LHFPL6: variants seen among roughly 807,000 people sequenced by gnomAD.
LHFPL6 encodes LHFPL tetraspan subfamily member 6 protein.
In LHFPL6, 9 loss-of-function variants were observed where a neutral mutation model predicts 20.6. The ratio of observed to expected loss-of-function variants is 0.44; its 90% CI spans 0.26 to 0.76. The LOEUF is 0.76. LHFPL6 is among the 30% of genes least tolerant of loss of function. The pLI, the probability that LHFPL6 is intolerant of heterozygous loss-of-function variation, is 0.20. For synonymous variants in LHFPL6, 105 were observed against 98.7 expected, an observed-to-expected ratio of 1.06 and a Z score of -0.38; for missense variants, 218 against 253.5, an observed-to-expected ratio of 0.86 and a Z score of 0.95.
At chr13:39,399,722 T>A (rs1187103793) in intron 2 of LHFPL6, among the ~76,000 whole-genome samples, 1 of 152,230 alleles carries the variant, frequency 6.6e-6, no homozygotes, top group East Asian at 1.9e-4. Context: ...AGATAAATTC[T>A]GGCATCATCG....
In LHFPL6 at chr13:39,381,777, G is replaced by A. The variant is rs542786791; in HGVS notation, c.386-3251C>T. On this transcript the variant is annotated intron_variant, in intron 2 of 3. Coordinates refer to ENST00000379589, the MANE Select transcript of LHFPL6 (RefSeq NM_005780.3). ...TCAGGCAGCCTTCAGAATCATGGCA[G>A]ATTCAGAGAGACTCCCGGGATACCT... Among the ~76,000 whole-genome samples, 5 of 149,322 alleles carry A rather than the reference G, an allele frequency of 3.3e-5. 1 individual carries two copies. In the Admixed American group the frequency reaches 3.4e-4, roughly 10 times the overall value.
chr13:39,349,958 G>A (rs1003465117), intron 3 of LHFPL6, among the ~76,000 whole-genome samples: 4 of 152,156 alleles, frequency 2.6e-5, no homozygotes, highest in Admixed American at 1.3e-4. Flanking sequence ...TCTAGAGTTC[G>A]GAGCTTGAAG....
rs1284407359 is a variant in LHFPL6 at position 39,404,467 on chromosome 13, T to C, written c.386-25941A>G. Among the ~76,000 whole-genome samples, 7 of 152,276 alleles carry C rather than the reference T, an allele frequency of 4.6e-5. No individual in the cohort carries two copies. In the East Asian group the frequency reaches 7.7e-4, roughly 17 times the overall value. ...ACTGGCTCTCAAACTCTGCTACATA[T>C]TAGAATCACCCAGACAGCTTTCAAA... On this transcript the variant is annotated intron_variant, in intron 2 of 3. Coordinates refer to ENST00000379589, the MANE Select transcript of LHFPL6 (RefSeq NM_005780.3).
intron 2 of LHFPL6, among the ~76,000 whole-genome samples, chr13:39,473,142 C>T (rs1375646498): frequency 6.6e-6 from 1 of 151,740 alleles, no homozygotes; most frequent in Non-Finnish European, 1.5e-5. Context: ...GGTGGAGATG[C>T]AGAGTGGGAA....
intron 2 of LHFPL6, among the ~76,000 whole-genome samples, chr13:39,599,626 T>C (rs888722621): frequency 2.0e-5 from 3 of 152,182 alleles, no homozygotes; most frequent in Admixed American, 6.5e-5. Context: ...GAATGGACAA[T>C]TCTATCTCAC....
intron 3 of LHFPL6, among the ~76,000 whole-genome samples, chr13:39,350,994 G>A (rs181951045): frequency 3.9e-5 from 6 of 152,210 alleles, no homozygotes; most frequent in Admixed American, 6.5e-5. Flanking sequence ...TCCAGTGATC[G>A]TTTCATCTTT....
chr13:39,358,748 C>T (rs1869793457), intron 3 of LHFPL6, among the ~76,000 whole-genome samples: 1 of 152,186 alleles, frequency 6.6e-6, no homozygotes, highest in South Asian at 2.1e-4. Flanking sequence ...ACAGAAACTT[C>T]TCACAAGAAG....
chr13:39,462,942 A>G (rs1033243939), intron 2 of LHFPL6, among the ~76,000 whole-genome samples: 1 of 152,172 alleles, frequency 6.6e-6, no homozygotes. Flanking sequence ...GTAATCATAC[A>G]AACTCATGCT....
intron 2 of LHFPL6, among the ~76,000 whole-genome samples, chr13:39,524,344 GAAA>G (rs11374987): frequency 3.4e-5 from 5 of 145,672 alleles, no homozygotes; most frequent in African/African-American, 1.3e-4. Context: ...GTAAGGCCTA[GAAA>G]AAAAAAAAAG....
intron 2 of LHFPL6, among the ~76,000 whole-genome samples, chr13:39,446,729 C>A (rs1194147799): frequency 6.6e-6 from 1 of 152,130 alleles, no homozygotes; most frequent in African/African-American, 2.4e-5. Context: ...CCGGTATTTT[C>A]ATTTAGGTCC....
chr13:39,503,487 T>C (rs758140065), intron 2 of LHFPL6, among the ~76,000 whole-genome samples: 9 of 152,186 alleles, frequency 5.9e-5, no homozygotes, highest in Non-Finnish European at 1.3e-4. Flanking sequence ...CTTTTTGCCA[T>C]AGCACAATCA....
chr13:39,485,674 A>G (rs1868699214), intron 2 of LHFPL6, among the ~76,000 whole-genome samples: 1 of 152,204 alleles, frequency 6.6e-6, no homozygotes. Flanking sequence ...GAAGGCAGCT[A>G]TGAAAATAAG....
At chr13:39,507,493 A>G (rs1433160110) in intron 2 of LHFPL6, among the ~76,000 whole-genome samples, 1 of 152,124 alleles carries the variant, frequency 6.6e-6, no homozygotes, top group African/African-American at 2.4e-5. Flanking sequence ...AATGCCCCAA[A>G]TTGCTGCAGT....
At chr13:39,375,612 C>T (rs929458255) in intron 3 of LHFPL6, among the ~76,000 whole-genome samples, 2 of 151,026 alleles carry the variant, frequency 1.3e-5, no homozygotes, top group African/African-American at 4.9e-5. Context: ...AATCGCTTAA[C>T]CTGGGAGGTG....
intron 3 of LHFPL6, among the ~76,000 whole-genome samples, chr13:39,359,146 G>C (rs1869810805): frequency 6.6e-6 from 1 of 152,188 alleles, no homozygotes; most frequent in African/African-American, 2.4e-5. Flanking sequence ...CGGTAACAGA[G>C]TGAGACTCTG....
At chr13:39,459,813 TCCAGCAA>T (rs1872650308) in intron 2 of LHFPL6, among the ~76,000 whole-genome samples, 1 of 152,154 alleles carries the variant, frequency 6.6e-6, no homozygotes, top group South Asian at 2.1e-4. Context: ...CAACAAAAAC[TCCAGCAA>T]CCTGAAACAT....
intron 2 of LHFPL6, among the ~76,000 whole-genome samples, chr13:39,441,137 ATTTTTTTTTTTT>A (rs57695621): frequency 1.1e-4 from 10 of 91,450 alleles, no homozygotes; most frequent in Non-Finnish European, 1.9e-4. Context: ...ATGCCAACTA[ATTTTTTTTTTTT>A]TTTTTTTTTT....
intron 2 of LHFPL6, among the ~76,000 whole-genome samples, chr13:39,559,486 G>A (rs949669902): frequency 6.6e-6 from 1 of 152,216 alleles, no homozygotes; most frequent in African/African-American, 2.4e-5. Context: ...CAGATCCCCA[G>A]AGTGATGACG....
chr13:39,601,096 G>A lies in LHFPL6; in HGVS notation c.121C>T (p.Pro41Ser). The A allele has an allele frequency of 1.9e-6, 3 of 1,614,178 alleles. No individual in the cohort carries two copies. Among genetic ancestry groups the A allele is most frequent in the Non-Finnish European group, 2.5e-6 (3 of 1,180,038 alleles). The change falls in exon 2 of 4, where the codon CCT (proline) becomes TCT (serine). Residue 41 changes from proline (P) to serine (S), a missense_variant. Pro to Ser is a moderately conservative substitution (Grantham distance 74). Coordinates refer to ENST00000379589, the MANE Select transcript of LHFPL6 (RefSeq NM_005780.3). ...CTCCGGAAGGTACCGAAGGACACAG[G>A]CTTGCCCAGCTGTGATCCCCAGAGC... is the stretch of plus-strand genomic sequence containing the variant. ...YWLWGSQLGK[P>S]VSFGTFRRCS...
Sources: allele counts gnomAD v4.1 joint callset (sites outside exome capture counted in the v4.1 genomes callset), GRCh38; gene constraint gnomAD v4.1.1; transcripts MANE v1.5; gene names NCBI Gene and HGNC (gene_info 2026-07-23, HGNC 2026-07-21).